The following CEP128 variants were observed in gnomAD, a reference collection of about 807,000 sequenced individuals.
The protein encoded by CEP128 is centrosomal protein 128.
CEP128 carries 132 observed loss-of-function variants against 156.7 expected under a neutral mutation model. The ratio of observed to expected loss-of-function variants is 0.84; its 90% CI spans 0.73 to 0.97. The LOEUF is 0.97. Ranked by LOEUF, CEP128 falls within the 50% of genes least tolerant of loss-of-function variation. The pLI, the probability that CEP128 is intolerant of heterozygous loss-of-function variation, is 0.00. For missense variants in CEP128, 1,252 were observed against 1,281.9 expected, an observed-to-expected ratio of 0.98 and a Z score of 0.36; for synonymous variants, 469 against 448.9, an observed-to-expected ratio of 1.04 and a Z score of -0.57.
intron 8 of CEP128, among the ~76,000 whole-genome samples, chr14:80,866,136 G>A (rs1595519218): frequency 6.6e-6 from 1 of 152,094 alleles, no homozygotes; most frequent in African/African-American, 2.4e-5. Context: ...CAGGTTCCAG[G>A]TGCACCTCAG....
At chr14:80,656,291 T>A (rs4903932) in intron 19 of CEP128, among the ~76,000 whole-genome samples, 11,238 of 23,150 alleles carry the variant, frequency 0.49, 2,204 homozygotes, top group African/African-American at 0.52. Flanking sequence ...ATATATATAT[T>A]TATATATATA....
chr14:80,583,761 C>A (rs1475504324), intron 19 of CEP128, among the ~76,000 whole-genome samples: 1 of 152,170 alleles, frequency 6.6e-6, no homozygotes, highest in African/African-American at 2.4e-5. Context: ...TTCCTCTATT[C>A]TTTTTCTTAA....
chr14:80,749,521 GA>G (rs1219184266), intron 18 of CEP128, among the ~76,000 whole-genome samples: 1 of 152,150 alleles, frequency 6.6e-6, no homozygotes, highest in Non-Finnish European at 1.5e-5. Flanking sequence ...AAATGAGCCA[GA>G]AAAAGGAAGA....
At chr14:80,764,256 T>C (rs1462827928) in intron 16 of CEP128, among the ~76,000 whole-genome samples, 1 of 151,674 alleles carries the variant, frequency 6.6e-6, no homozygotes, top group Non-Finnish European at 1.5e-5. Context: ...CCCAGCACTT[T>C]GGGAGGCCGA....
chr14:80,522,230 TGTA>T (rs1403191910), intron 23 of CEP128, among the ~76,000 whole-genome samples: 3 of 152,224 alleles, frequency 2.0e-5, no homozygotes, highest in Admixed American at 6.5e-5. Flanking sequence ...AAGCTACTGT[TGTA>T]GAAGATTTAA....
At chr14:80,721,806 T>C (rs1166046638) in intron 19 of CEP128, among the ~76,000 whole-genome samples, 1 of 152,144 alleles carries the variant, frequency 6.6e-6, no homozygotes, top group Admixed American at 6.5e-5. Context: ...ATGATATCTC[T>C]GGTTAAATGA....
intron 13 of CEP128, among the ~76,000 whole-genome samples, chr14:80,812,254 G>A (rs546093889): frequency 2.6e-5 from 4 of 152,306 alleles, no homozygotes; most frequent in Admixed American, 1.3e-4. Context: ...TTATGGCTGT[G>A]TAGTATTCCA....
chr14:80,574,101 T>G (rs1891258212), intron 20 of CEP128, among the ~76,000 whole-genome samples: 1 of 152,208 alleles, frequency 6.6e-6, no homozygotes, highest in African/African-American at 2.4e-5. Flanking sequence ...AGGGACTGTA[T>G]TACTTTCTAG....
intron 24 of CEP128, among the ~76,000 whole-genome samples, chr14:80,501,746 C>T (rs191998322): frequency 1.1e-4 from 16 of 151,952 alleles, no homozygotes; most frequent in Middle Eastern, 3.4e-3. Context: ...CCTCGCGATC[C>T]GCCCACCTCG....
intron 19 of CEP128, among the ~76,000 whole-genome samples, chr14:80,586,118 T>C (rs548584615): frequency 1.3e-5 from 2 of 152,272 alleles, no homozygotes; most frequent in Admixed American, 1.3e-4. Context: ...TGCTTTTTTT[T>C]TTCCTAAAGA....
intron 19 of CEP128, among the ~76,000 whole-genome samples, chr14:80,630,317 A>C (rs1893908537): frequency 6.6e-6 from 1 of 152,032 alleles, no homozygotes; most frequent in Admixed American, 6.5e-5. Context: ...TTAAGAAATC[A>C]TAAAATTCTG....
intron 19 of CEP128, among the ~76,000 whole-genome samples, chr14:80,592,535 A>G (rs1043211164): frequency 8.5e-5 from 13 of 152,318 alleles, no homozygotes; most frequent in African/African-American, 3.1e-4. Flanking sequence ...CAAGCCCAGG[A>G]CCAGACGGAT....
At position 80,950,315 on chromosome 14, in the gene CEP128, C is replaced by G. The variant is rs548555619; in HGVS notation, c.-172+7863G>C. On this transcript the variant is annotated intron_variant, in intron 2 of 7. Coordinates refer to the CEP128 transcript ENST00000555529. ...CAGAACTGTGAACAAATTAATTTAT[C>G]TTGTTTTAAGCCATCAAGTTTGTGG... 4.6e-5 allele frequency among the ~76,000 whole-genome samples: 7 copies of G among 152,254 alleles called. No individual in the cohort carries two copies. In the South Asian group the frequency reaches 1.5e-3, roughly 32 times the overall value.
chr14:80,851,165 T>C (rs1203768234), intron 9 of CEP128, among the ~76,000 whole-genome samples: 1 of 152,124 alleles, frequency 6.6e-6, no homozygotes, highest in East Asian at 1.9e-4. Flanking sequence ...GAGCTCTGTG[T>C]GATAAACCCT....
Position 80,848,481 on chromosome 14 carries a change from GA to G in CEP128, c.763-7714del, listed in dbSNP as rs201238500. ...TTGAGACCAGCCTGGTCAACATGAC[GA>G]AACTCCATCTCTACTTAAATTACAA... is the stretch of plus-strand genomic sequence containing the variant. On this transcript the variant is annotated intron_variant, in intron 9 of 24. Transcript: ENST00000555265. Among the ~76,000 whole-genome samples, 891 of 152,124 alleles carry G rather than the reference GA, an allele frequency of 5.9e-3. 9 individuals are homozygous for G. Among genetic ancestry groups the G allele is most frequent in the African/African-American group, 0.021 (856 of 41,524 alleles).
intron 16 of CEP128, among the ~76,000 whole-genome samples, chr14:80,776,536 A>T (rs1595381812): frequency 6.8e-6 from 1 of 147,854 alleles, no homozygotes; most frequent in Non-Finnish European, 1.5e-5. Context: ...ATTAATATAT[A>T]TTAATTATAT....
At chr14:80,887,538 T>C (rs1205234064) in intron 8 of CEP128, among the ~76,000 whole-genome samples, 1 of 152,062 alleles carries the variant, frequency 6.6e-6, no homozygotes, top group Non-Finnish European at 1.5e-5. Context: ...ACTAGGTAAA[T>C]AACAAAATTA....
At chr14:80,740,860 G>A (rs1898797331) in intron 19 of CEP128, among the ~76,000 whole-genome samples, 1 of 152,144 alleles carries the variant, frequency 6.6e-6, no homozygotes, top group Non-Finnish European at 1.5e-5. Flanking sequence ...AGTACACGCT[G>A]CTGGGAATGA....
downstream of CEP128, among the ~76,000 whole-genome samples, chr14:80,488,319 T>C (rs1186936723): frequency 7.1e-6 from 1 of 140,990 alleles, no homozygotes; most frequent in Non-Finnish European, 1.6e-5. Context: ...AAAAAGTGGG[T>C]GAAGGATATG....
Sources: gnomAD v4.1 joint callset for allele counts (sites outside exome capture counted in the v4.1 genomes callset) on GRCh38, gnomAD v4.1.1 for gene constraint, MANE v1.5 for transcripts, NCBI Gene and HGNC (gene_info 2026-07-23, HGNC 2026-07-21) for gene names.